EARS2: variants seen among roughly 807,000 people sequenced by gnomAD.
EARS2 encodes nondiscriminating glutamyl-tRNA synthetase EARS2, mitochondrial.
A neutral mutation model predicts 54.1 loss-of-function variants in EARS2; 50 were observed. The ratio of observed to expected loss-of-function variants is 0.92; its 90% CI spans 0.74 to 1.17. EARS2 has a LOEUF of 1.17. EARS2 is among the 50% of genes most tolerant of loss of function. The pLI, the probability that EARS2 is intolerant of heterozygous loss-of-function variation, is 0.00. For synonymous variants in EARS2, 298 were observed against 281.0 expected (o/e 1.06, Z -0.61); for missense variants, 673 against 675.0 (o/e 1.00, Z 0.03).
chr16:23,546,163 A>G (rs1965600116), intron 2 of EARS2, among the ~76,000 whole-genome samples: 1 of 152,216 alleles, frequency 6.6e-6, no homozygotes, highest in South Asian at 2.1e-4. Context: ...GATCTACTGT[A>G]AGCCAAACCC....
At chr16:23,526,050 G>C (rs1365541365) in intron 7 of EARS2, among the ~76,000 whole-genome samples, 2 of 150,020 alleles carry the variant, frequency 1.3e-5, no homozygotes, top group Non-Finnish European at 3.0e-5. Flanking sequence ...CTATCGTAGA[G>C]AGTTAAAACT....
In EARS2 at chr16:23,550,377, A is replaced by G. The variant is rs555831952; in HGVS notation, c.295+1772T>C. ...GCAAGATTTTGTTTGTTAAAAAAAA[A>G]AAAAAAGAAATAATTAATCCACTCA... is the stretch of plus-strand genomic sequence containing the variant. On this transcript the variant is annotated intron_variant, in intron 2 of 8. Transcript: ENST00000449606. Among the ~76,000 whole-genome samples, 4 of 151,864 alleles carry G rather than the reference A, an allele frequency of 2.6e-5. No homozygotes were observed. In the East Asian group the frequency reaches 7.7e-4, roughly 29 times the overall value.
intron 3 of EARS2, among the ~76,000 whole-genome samples, chr16:23,539,480 C>T (rs1391234690): frequency 6.6e-6 from 1 of 152,114 alleles, no homozygotes; most frequent in Non-Finnish European, 1.5e-5. Context: ...TCCATCATGA[C>T]CCATAGGGTT....
chr16:23,529,569 C>T lies in EARS2; in HGVS notation c.1285G>A (p.Ala429Thr). 6.2e-7 allele frequency: 1 copy of T among 1,614,176 alleles called. No individual in the cohort carries two copies. The highest frequency in any genetic ancestry group is 1.6e-4 in the Middle Eastern group (1 of 6,062). Residue 429 changes from alanine to threonine, a missense_variant, in exon 7 of 9, where the codon GCA becomes ACA. Around this residue, in one of 3 missense-constraint regions of EARS2, gnomAD observed 338 missense variants for 361.2 expected, o/e 0.94. Transcript: ENST00000449606. The stretch of plus-strand genomic sequence containing the variant: ...GCGTCCAGCTGTGCTCGACCTACTG[C>T]AGGGCGAGTCCACAGGTAAGAGTAT... ...PVYSYLWTRP[A>T]VGRAQLDAIS... is the part of the protein sequence containing the mutation.
intron 1 of EARS2, among the ~76,000 whole-genome samples, chr16:23,553,987 G>C (rs1471816879): frequency 6.6e-6 from 1 of 151,752 alleles, no homozygotes; most frequent in Non-Finnish European, 1.5e-5. Context: ...ATCTACTTGA[G>C]ATTTTTACTT....
At chr16:23,548,943 AG>A (rs1191133818) in intron 2 of EARS2, among the ~76,000 whole-genome samples, 2 of 152,184 alleles carry the variant, frequency 1.3e-5, no homozygotes, top group Non-Finnish European at 2.9e-5. Context: ...TACCACTTTC[AG>A]GGTCCCCTCT....
intron 2 of EARS2, among the ~76,000 whole-genome samples, chr16:23,550,435 C>CTTTTTT (rs34422725): frequency 2.0e-5 from 2 of 100,614 alleles, no homozygotes; most frequent in African/African-American, 7.9e-5. Flanking sequence ...AGCACATGGT[C>CTTTTTT]TTTTTTTTTT....
intron 5 of EARS2, among the ~76,000 whole-genome samples, chr16:23,530,903 T>G (rs1208573471): frequency 2.6e-5 from 4 of 151,624 alleles, no homozygotes; most frequent in Admixed American, 2.6e-4. Flanking sequence ...GGCATTTTTT[T>G]TTTTTGAGAT....
intron 3 of EARS2, among the ~76,000 whole-genome samples, chr16:23,536,436 C>T (rs1965419043): frequency 6.6e-6 from 1 of 151,978 alleles, no homozygotes; most frequent in Non-Finnish European, 1.5e-5. Context: ...AAAATCCTGT[C>T]TCTTATTTAA....
At chr16:23,542,869 C>CT (rs1293499652) in intron 3 of EARS2, among the ~76,000 whole-genome samples, 2 of 152,020 alleles carry the variant, frequency 1.3e-5, no homozygotes, top group Non-Finnish European at 2.9e-5. Context: ...AATCCCAGCA[C>CT]TTTGGGAGGC....
In EARS2 at chr16:23,531,897, C is replaced by T. The variant is rs545330215; in HGVS notation, c.1067+760G>A. Reference sequence around the variant, plus strand: ...GTGGTGTGATCCTGTCTCACTGCAACCTCTGCCTCCCAGGTTCAAGTGATC... The same window carrying T: ...GTGGTGTGATCCTGTCTCACTGCAATCTCTGCCTCCCAGGTTCAAGTGATC... On this transcript the variant is annotated intron_variant, in intron 5 of 8. Coordinates refer to ENST00000449606, the MANE Select transcript of EARS2 (RefSeq NM_001083614.2). Among the ~76,000 whole-genome samples, 81 of 152,112 alleles carry T rather than the reference C, an allele frequency of 5.3e-4. 1 individual carries two copies. Among genetic ancestry groups the T allele is most frequent in the South Asian group, 1.0e-3 (5 of 4,830 alleles).
chr16:23,532,770 AAAG>A lies in EARS2; in HGVS notation c.959-8_959-6del. ...GGGTCCTGCCCATTTGGTTCTCTGC[AAAG>A]AAGAGAGGCCCAGCCACTCAGCTTC... On this transcript the variant is annotated splice_region_variant and splice_polypyrimidine_tract_variant and intron_variant, in intron 4 of 8. Transcript: ENST00000449606. The A allele has an allele frequency of 1.9e-6, 3 of 1,608,600 alleles. No individual in the cohort carries two copies. Among genetic ancestry groups the A allele is most frequent in the South Asian group, 1.1e-5 (1 of 90,720 alleles).
rs368267501 is a variant in EARS2 at position 23,532,783 on chromosome 16, C to A, written c.959-18G>T. ...TTGGTTCTCTGCAAAGAAGAGAGGC[C>A]CAGCCACTCAGCTTCCTCTCTCCCT... On this transcript the variant is annotated intron_variant, in intron 4 of 8. Transcript: ENST00000449606. 1.1e-5 allele frequency: 18 copies of A among 1,573,764 alleles called. No homozygotes were observed. The highest frequency in any genetic ancestry group is 1.5e-5 in the Non-Finnish European group (17 of 1,145,808).
intron 3 of EARS2, among the ~76,000 whole-genome samples, chr16:23,541,024 GT>G (rs1230330552): frequency 6.7e-6 from 1 of 149,568 alleles, no homozygotes; most frequent in African/African-American, 2.5e-5. Flanking sequence ...TAACATAAAG[GT>G]TTATTAAGGC....
At position 23,530,233 on chromosome 16, in the gene EARS2, C is replaced by T. The variant is rs201956684; in HGVS notation, c.1068-336G>A. On this transcript the variant is annotated intron_variant, in intron 5 of 8. Coordinates refer to ENST00000449606, the MANE Select transcript of EARS2 (RefSeq NM_001083614.2). ...CTAGACCTCCTAGGCTCAAGCGATC[C>T]TCCCATCTCACCCTCCCAAGTAGCT... Among the ~76,000 whole-genome samples the T allele has an allele frequency of 3.9e-5, 6 of 152,238 alleles. No individual in the cohort carries two copies. The East Asian group carries it at 9.7e-4, about 25-fold the overall frequency.
chr16:23,538,229 C>T (rs887465245), intron 3 of EARS2, among the ~76,000 whole-genome samples: 3 of 151,938 alleles, frequency 2.0e-5, no homozygotes, highest in African/African-American at 7.2e-5. Context: ...TGGAGTGCAG[C>T]GGCGTGATCT....
intron 2 of EARS2, among the ~76,000 whole-genome samples, chr16:23,548,470 C>T (rs1965642112): frequency 6.6e-6 from 1 of 152,052 alleles, no homozygotes; most frequent in South Asian, 2.1e-4. Context: ...CCACCATCAC[C>T]GTTGTTCATC....
chr16:23,547,973 G>GT (rs1157921351), intron 2 of EARS2, among the ~76,000 whole-genome samples: 1 of 151,994 alleles, frequency 6.6e-6, no homozygotes, highest in Non-Finnish European at 1.5e-5. Flanking sequence ...GCTCACGTCT[G>GT]TAATCCCAGC....
At chr16:23,541,453 T>C (rs1042655628) in intron 3 of EARS2, among the ~76,000 whole-genome samples, 1 of 152,248 alleles carries the variant, frequency 6.6e-6, no homozygotes, top group Admixed American at 6.5e-5. Context: ...TATGGACTGA[T>C]ATCTGATCCT....
Sources: allele counts gnomAD v4.1 joint callset (sites outside exome capture counted in the v4.1 genomes callset), GRCh38; gene constraint gnomAD v4.1.1; regional missense constraint gnomAD v4.1.1; transcripts MANE v1.5; gene names NCBI Gene and HGNC (gene_info 2026-07-23, HGNC 2026-07-21).